DPP10: variants seen among roughly 807,000 people sequenced by gnomAD.
DPP10 encodes dipeptidyl peptidase like 10, also known as inactive dipeptidyl peptidase 10.
Under a neutral mutation model 120.9 loss-of-function variants are expected in DPP10, and 33 were observed. The observed-to-expected ratio is 0.27, with a 90% confidence interval of 0.21 to 0.37. DPP10 has a LOEUF of 0.37. Among genes scored for constraint, DPP10 ranks in the 10% least tolerant of loss-of-function variants. The probability of loss-of-function intolerance (pLI) is 1.00; values close to 1 mark genes in which losing one functional copy is unlikely to be tolerated. For missense variants in DPP10, 816 were observed against 942.8 expected, an observed-to-expected ratio of 0.87 and a Z score of 1.76; for synonymous variants, 337 against 326.1, an observed-to-expected ratio of 1.03 and a Z score of -0.36.
intron 1 of DPP10, among the ~76,000 whole-genome samples, chr2:114,748,102 C>G (rs1249162868): frequency 2.6e-5 from 4 of 151,902 alleles, no homozygotes; most frequent in Non-Finnish European, 5.9e-5. Flanking sequence ...TTTTATTTTT[C>G]TAGACATTTA....
At chr2:115,030,256 T>C (rs1435123250) in intron 1 of DPP10, among the ~76,000 whole-genome samples, 1 of 152,160 alleles carries the variant, frequency 6.6e-6, no homozygotes, top group East Asian at 1.9e-4. Context: ...TACATTTTAT[T>C]TGGTTTCTTA....
chr2:115,512,942 C>G (rs1206770517), intron 4 of DPP10, among the ~76,000 whole-genome samples: 1 of 151,984 alleles, frequency 6.6e-6, no homozygotes, highest in African/African-American at 2.4e-5. Context: ...TGATGTTCTG[C>G]CTACTGGTTC....
intron 1 of DPP10, among the ~76,000 whole-genome samples, chr2:114,584,740 T>C (rs955467072): frequency 1.3e-5 from 2 of 152,086 alleles, no homozygotes; most frequent in Non-Finnish European, 2.9e-5. Context: ...TTTGAACTTG[T>C]CGTGGCCTGA....
intron 1 of DPP10, among the ~76,000 whole-genome samples, chr2:115,183,021 A>G (rs1019115515): frequency 1.3e-5 from 2 of 152,114 alleles, no homozygotes; most frequent in Admixed American, 1.3e-4. Context: ...GCACACACAC[A>G]CACACACACG....
chr2:115,182,646 C>T (rs2054156148), intron 1 of DPP10, among the ~76,000 whole-genome samples: 1 of 151,884 alleles, frequency 6.6e-6, no homozygotes, highest in Non-Finnish European at 1.5e-5. Flanking sequence ...GTAGATACTC[C>T]TTTCTATGGA....
chr2:114,737,167 G>A (rs530590354), intron 1 of DPP10, among the ~76,000 whole-genome samples: 2 of 152,270 alleles, frequency 1.3e-5, no homozygotes, highest in South Asian at 4.1e-4. Flanking sequence ...TGTTTTTATT[G>A]CATGCTGGAT....
At chr2:115,452,778 T>G (rs1015415365) in intron 3 of DPP10, among the ~76,000 whole-genome samples, 1 of 151,844 alleles carries the variant, frequency 6.6e-6, no homozygotes, top group African/African-American at 2.4e-5. Context: ...TCAAAATAAT[T>G]CAGGCAATGT....
intron 5 of DPP10, among the ~76,000 whole-genome samples, chr2:115,568,943 T>C (rs993836359): frequency 2.6e-5 from 4 of 152,244 alleles, no homozygotes; most frequent in Non-Finnish European, 5.9e-5. Flanking sequence ...GTGTTTCTGT[T>C]TCCTTGGTGT....
intron 2 of DPP10, among the ~76,000 whole-genome samples, chr2:115,309,885 T>G (rs2106026817): frequency 6.6e-6 from 1 of 152,268 alleles, no homozygotes; most frequent in African/African-American, 2.4e-5. Flanking sequence ...CTAAAGAAAC[T>G]TTGCAAATTG....
intron 1 of DPP10, among the ~76,000 whole-genome samples, chr2:114,849,481 C>T (rs1405212032): frequency 6.6e-6 from 1 of 152,060 alleles, no homozygotes; most frequent in East Asian, 1.9e-4. Context: ...CCCTGTGTAA[C>T]ACACACCGTC....
intron 11 of DPP10, among the ~76,000 whole-genome samples, chr2:115,759,509 C>T (rs1679837907): frequency 6.6e-6 from 1 of 151,596 alleles, no homozygotes; most frequent in Non-Finnish European, 1.5e-5. Flanking sequence ...TAACAAAAAA[C>T]TGACAACATT....
chr2:115,744,053 T>C (rs965146439), intron 9 of DPP10, among the ~76,000 whole-genome samples: 1 of 150,670 alleles, frequency 6.6e-6, no homozygotes, highest in African/African-American at 2.4e-5. Flanking sequence ...AAGATACAGA[T>C]AAAGGTCAAT....
chr2:115,835,955 T>A (rs1459548532), intron 21 of DPP10, among the ~76,000 whole-genome samples: 1 of 152,028 alleles, frequency 6.6e-6, no homozygotes, highest in Non-Finnish European at 1.5e-5. Flanking sequence ...TAAACAAATG[T>A]TCAAAAATCT....
intron 1 of DPP10, among the ~76,000 whole-genome samples, chr2:115,141,529 TGAA>T (rs1338887705): frequency 6.6e-6 from 1 of 152,224 alleles, no homozygotes; most frequent in African/African-American, 2.4e-5. Flanking sequence ...CATTTCCATC[TGAA>T]GAAGTTGAAA....
chr2:114,899,713 T>G (rs1025682541), intron 1 of DPP10, among the ~76,000 whole-genome samples: 20 of 152,290 alleles, frequency 1.3e-4, no homozygotes, highest in African/African-American at 4.8e-4. Flanking sequence ...ATCCCAGCAC[T>G]TTGGGAGGCC....
At chr2:115,647,396 A>C (rs942438438) in intron 5 of DPP10, among the ~76,000 whole-genome samples, 1 of 152,158 alleles carries the variant, frequency 6.6e-6, no homozygotes, top group Non-Finnish European at 1.5e-5. Flanking sequence ...CTTTTTCAAC[A>C]AACAATGGTT....
chr2:115,782,379 A>G lies in DPP10; in HGVS notation c.1511A>G (p.His504Arg), dbSNP rs746452621. Reference sequence around the variant, plus strand: ...CCAAGGGTCCCAGTGGTCAGCCTACATAGTACGGACAACCCAGCAAGTGAG... The same window carrying G: ...CCAAGGGTCCCAGTGGTCAGCCTACGTAGTACGGACAACCCAGCAAGTGAG... ...EGPRVPVVSL[H>R]STDNPAKYFI... Residue 504 changes from histidine to arginine, a missense_variant, in exon 17 of 26, where the codon CAT becomes CGT. By Grantham distance (29) the His-to-Arg change is conservative. Transcript: ENST00000410059. The G allele has an allele frequency of 6.2e-7, 1 of 1,612,596 alleles. No homozygotes were observed. Among genetic ancestry groups the G allele is most frequent in the Non-Finnish European group, 8.5e-7 (1 of 1,178,752 alleles).
chr2:114,774,467 G>C (rs1009900082), intron 1 of DPP10, among the ~76,000 whole-genome samples: 2 of 151,380 alleles, frequency 1.3e-5, no homozygotes, highest in Admixed American at 1.3e-4. Flanking sequence ...TAGGAGATTT[G>C]GAGGGACTCT....
chr2:114,941,476 A>C (rs1488716780), intron 1 of DPP10, among the ~76,000 whole-genome samples: 1 of 152,210 alleles, frequency 6.6e-6, no homozygotes, highest in Non-Finnish European at 1.5e-5. Context: ...GGATATTACA[A>C]GTTAAGTGAA....
Sources: gnomAD v4.1 joint callset for allele counts (sites outside exome capture counted in the v4.1 genomes callset) on GRCh38, gnomAD v4.1.1 for gene constraint, MANE v1.5 for transcripts, NCBI Gene and HGNC (gene_info 2026-07-23, HGNC 2026-07-21) for gene names.